Variants in TASOR observed in about 807,000 individuals in gnomAD.
The protein encoded by TASOR is protein TASOR.
A neutral mutation model predicts 178.6 loss-of-function variants in TASOR; 53 were observed. The ratio of observed to expected loss-of-function variants is 0.30; its 90% CI spans 0.24 to 0.37. The LOEUF (loss-of-function observed/expected upper bound fraction) is 0.37, where lower values mean the gene tolerates loss of function less well. Ranked by LOEUF, TASOR falls within the 10% of genes least tolerant of loss-of-function variation. The pLI is 1.00. For missense variants in TASOR, 1,815 were observed against 1,971.4 expected (o/e 0.92, Z 1.50); for synonymous variants, 713 against 696.2 (o/e 1.02, Z -0.38).
At chr3:56,676,619 A>G (rs2031320273) in intron 1 of TASOR, among the ~76,000 whole-genome samples, 2 of 152,248 alleles carry the variant, frequency 1.3e-5, no homozygotes, top group African/African-American at 2.4e-5. Flanking sequence ...CTTCAGATAT[A>G]TAAAATGTAC....
rs1181837854 is a variant in TASOR, at chr3:56,647,200, C to T, written c.1537G>A (p.Ala513Thr). ...ATGCTCTCATGCCTCTCCTGTGGTG[C>T]TGCATTGGTTGAACCTTTTTGTGCT... ...VTSQKGSTNA[A>T]PQERHESMPD... Residue 513 changes from alanine (A) to threonine (T), a missense_variant, in exon 14 of 24, where the codon GCA (alanine) becomes ACA (threonine). This residue lies in a region of TASOR where 504 missense variants were observed against 645.3 expected (regional missense o/e 0.78). Transcript: ENST00000683822. 6.4e-7 allele frequency: 1 copy of T among 1,553,410 alleles called. No homozygotes were observed. The highest frequency in any genetic ancestry group is 1.2e-5 in the South Asian group (1 of 80,280).
chr3:56,639,226 C>G (rs2077073379), intron 16 of TASOR, among the ~76,000 whole-genome samples: 1 of 152,110 alleles, frequency 6.6e-6, no homozygotes, highest in Non-Finnish European at 1.5e-5. Context: ...TACTTTGTAA[C>G]AAAAAGTTGT....
intron 1 of TASOR, among the ~76,000 whole-genome samples, chr3:56,681,750 CA>C (rs1468099351): frequency 6.6e-6 from 1 of 152,106 alleles, no homozygotes; most frequent in Admixed American, 6.6e-5. Context: ...AATAATACCC[CA>C]ATAACAAAAA....
In TASOR at chr3:56,641,410, T is replaced by A. The variant is rs752453669; in HGVS notation, c.2558A>T (p.Lys853Met). The A allele has an allele frequency of 1.7e-5, 28 of 1,603,046 alleles. No individual in the cohort carries two copies. Among genetic ancestry groups the A allele is most frequent in the Non-Finnish European group, 2.1e-5 (25 of 1,170,488 alleles). ...GCTGGTAGAAATAGCAACAGAATAC[T>A]TAGATGTTGCATCAACTTCTAGTAA... ...SLLLEVDATS[K>M]YSVAISTSEV... is the part of the protein sequence containing the mutation. The change falls in exon 15 of 24, where the codon AAG becomes ATG. Residue 853 changes from lysine to methionine, a missense_variant. Lys to Met is a moderately conservative substitution (Grantham distance 95, BLOSUM62 -1). This residue lies in a region of TASOR where 655 missense variants were observed against 671.1 expected (regional missense o/e 0.98). Coordinates refer to ENST00000683822, the MANE Select transcript of TASOR (RefSeq NM_001365635.2).
chr3:56,638,538 G>A (rs1264733214), intron 17 of TASOR, among the ~76,000 whole-genome samples, 168 bp downstream of exon 17: 2 of 152,132 alleles, frequency 1.3e-5, no homozygotes, highest in Non-Finnish European at 2.9e-5. Context: ...AGTAAGAATA[G>A]TGGATACAAC....
At chr3:56,678,156 A>G (rs1025844080) in intron 1 of TASOR, among the ~76,000 whole-genome samples, 2 of 150,158 alleles carry the variant, frequency 1.3e-5, no homozygotes, top group African/African-American at 4.9e-5. Context: ...TATTACTAGT[A>G]TCATACAAAA....
Position 56,621,818 on chromosome 3 carries a change from T to TAAAAAAAAAAAAAAAAAAAACCGA in TASOR, c.*1218_*1219insTCGGTTTTTTTTTTTTTTTTTTTT, listed in dbSNP as rs11401064. 1 of 133,968 alleles carries TAAAAAAAAAAAAAAAAAAAACCGA rather than the reference T, an allele frequency of 7.5e-6. No homozygotes were observed. Among genetic ancestry groups the TAAAAAAAAAAAAAAAAAAAACCGA allele is most frequent in the Admixed American group, 8.0e-5 (1 of 12,426 alleles). The allele number at this position is 133,968 out of a possible 1,614,324, so 8.3% of individuals were successfully genotyped here. A position where few individuals can be genotyped will look rare whatever the true frequency, so the allele number is the denominator to read the frequency against. On this transcript the variant is annotated 3_prime_UTR_variant, in exon 24 of 24. Transcript: ENST00000683822. ...TACTTCTTTTGTAAAAGCTTAGTAG[T>TAAAAAAAAAAAAAAAAAAAACCGA]AAAAAAAAAAAAAAAAAAACCGGTT...
intron 1 of TASOR, 75 bp from the exon 2 acceptor site, chr3:56,673,800 G>T: frequency 3.9e-6 from 5 of 1,297,942 alleles, no homozygotes; most frequent in Non-Finnish European, 5.1e-6. Context: ...ATTTTTGTGG[G>T]TTAATGTAAC....
chr3:56,663,004 C>A (rs1218783937), intron 8 of TASOR, among the ~76,000 whole-genome samples: 1 of 152,046 alleles, frequency 6.6e-6, no homozygotes, highest in African/African-American at 2.4e-5. Context: ...CTTGGTGAAA[C>A]CCCAACTCTA....
Position 56,647,048 on chromosome 3 carries a change from C to T in TASOR, c.1689G>A (p.Lys563=). The change falls in exon 14 of 24, where the codon AAG becomes AAA. Residue 563 remains lysine (K), a synonymous_variant. Coordinates refer to ENST00000683822, the MANE Select transcript of TASOR (RefSeq NM_001365635.2). The part of the protein sequence containing the change: ...VVEKYVSEFF[K]RGFGSGKREF... ...CTCGTTTACCTGAACCAAAACCTCG[C>T]TTAAAAAATTCACTTACATACTTTT... 1 of 1,602,276 alleles carries T rather than the reference C, an allele frequency of 6.2e-7. No individual in the cohort carries two copies.
rs769784507 is a variant in TASOR at position 56,666,290 on chromosome 3, A to G, written c.992T>C (p.Ile331Thr). Reference sequence around the variant, plus strand: ...TGAAGGTACAAACTTCGGAGTTTGTATATCATCTTTGTAAGTAAAAGACAC... The same window carrying G: ...TGAAGGTACAAACTTCGGAGTTTGTGTATCATCTTTGTAAGTAAAAGACAC... ...AVVSFTYKDD[I>T]QTPKFVPSSR... Residue 331 changes from isoleucine (I) to threonine (T), a missense_variant, in exon 7 of 24, where the codon ATA becomes ACA. This residue lies in a region of TASOR where 504 missense variants were observed against 645.3 expected (regional missense o/e 0.78). Coordinates refer to ENST00000683822, the MANE Select transcript of TASOR (RefSeq NM_001365635.2). 3.9e-6 allele frequency: 6 copies of G among 1,545,386 alleles called. No individual in the cohort carries two copies. The highest frequency in any genetic ancestry group is 1.2e-5 in the South Asian group (1 of 81,864).
At chr3:56,669,893 G>A (rs902292805) in intron 4 of TASOR, 102 bp from the exon 5 acceptor site, 9 of 979,760 alleles carry the variant, frequency 9.2e-6, no homozygotes, top group Middle Eastern at 2.2e-4. Context: ...AATTTGAGGT[G>A]TTCAAAAATC....
chr3:56,664,985 G>GC (rs1170415451), intron 7 of TASOR, among the ~76,000 whole-genome samples: 1 of 152,166 alleles, frequency 6.6e-6, no homozygotes, highest in Non-Finnish European at 1.5e-5. Flanking sequence ...GACCAGCCTG[G>GC]CCAACACAGC....
chr3:56,671,731 G>A (rs1174432084), intron 2 of TASOR, 39 bp from the exon 3 acceptor site: 2 of 1,408,260 alleles, frequency 1.4e-6, no homozygotes, highest in African/African-American at 2.9e-5. Context: ...CTTAGCATGT[G>A]ATTATGTTTT....
rs145228547 is a variant in TASOR, at chr3:56,668,929, T to C, written c.736-371A>G. Among the ~76,000 whole-genome samples the C allele has an allele frequency of 9.4e-3, 1,434 of 152,012 alleles. 30 individuals are homozygous for C. The highest frequency in any genetic ancestry group is 0.032 in the African/African-American group (1,324 of 41,478). On this transcript the variant is annotated intron_variant, in intron 5 of 23. Coordinates refer to ENST00000683822, the MANE Select transcript of TASOR (RefSeq NM_001365635.2). ...CGGAGGTTGCAGTGAGCCAAGATTGTGCCACTGCACTCCAGCCTGTGTGAC... is the reference window on the plus strand; with the variant it reads ...CGGAGGTTGCAGTGAGCCAAGATTGCGCCACTGCACTCCAGCCTGTGTGAC...
chr3:56,674,849 C>T (rs1361444759), intron 1 of TASOR, among the ~76,000 whole-genome samples: 7 of 152,172 alleles, frequency 4.6e-5, no homozygotes, highest in East Asian at 1.9e-4. Context: ...GATGGAGTCT[C>T]GCTCTGTCAC....
intron 17 of TASOR, among the ~76,000 whole-genome samples, chr3:56,637,502 C>A (rs764140464): frequency 1.0e-4 from 15 of 150,180 alleles, no homozygotes; most frequent in Non-Finnish European, 2.1e-4. Context: ...GCCTGGGTGA[C>A]AGAGAGAGAT....
intron 1 of TASOR, among the ~76,000 whole-genome samples, chr3:56,682,330 C>CT (rs2031866464): frequency 6.8e-6 from 1 of 147,990 alleles, no homozygotes; most frequent in African/African-American, 2.5e-5. Context: ...CGAGACTTCT[C>CT]AGAAGCATCC....
rs371364216 is a variant in TASOR, at chr3:56,663,940, G to T, written c.1023-368C>A. ...TCATCATTCAGTAAATACATACTAA[G>T]CTCTTATTTACCAGGCACAGTTCTA... On this transcript the variant is annotated intron_variant, in intron 7 of 23. Coordinates refer to ENST00000683822, the MANE Select transcript of TASOR (RefSeq NM_001365635.2). 2.6e-5 allele frequency: 22 copies of T among 835,472 alleles called. No homozygotes were observed. The East Asian group carries it at 6.1e-4, about 23-fold the overall frequency. 51.8% of individuals were successfully genotyped at this position (835,472 alleles called of 1,614,324 possible). A position where few individuals can be genotyped will look rare whatever the true frequency, so the allele number is the denominator to read the frequency against.
Sources: gnomAD v4.1 joint callset for allele counts (sites outside exome capture counted in the v4.1 genomes callset) on GRCh38, gnomAD v4.1.1 for gene constraint, gnomAD v4.1.1 regional missense constraint, MANE v1.5 for transcripts, NCBI Gene and HGNC (gene_info 2026-07-23, HGNC 2026-07-21) for gene names.